ANKRD26: variants seen among roughly 807,000 people sequenced by gnomAD.
ANKRD26 encodes ankyrin repeat domain 26.
A neutral mutation model predicts 208.7 loss-of-function variants in ANKRD26; 141 were observed. The ratio of observed to expected loss-of-function variants is 0.68; its 90% CI spans 0.59 to 0.78. The LOEUF is 0.78. Among genes scored for constraint, ANKRD26 ranks in the 30% least tolerant of loss-of-function variants. The pLI, the probability that ANKRD26 is intolerant of heterozygous loss-of-function variation, is 0.00. For missense variants in ANKRD26, 1,889 were observed against 1,938.7 expected, an observed-to-expected ratio of 0.97 and a Z score of 0.48; for synonymous variants, 636 against 660.4, an observed-to-expected ratio of 0.96 and a Z score of 0.57.
Position 27,033,257 on chromosome 10 carries a change from A to G in ANKRD26, c.3775T>C (p.Leu1259=). ...RINLEDETQD[L]KKKLGQIRNQ... ...CTGATTTGACCTAATTTCTTCTTTA[A>G]ATCCTGTGTCTCATCTTCTAAATTA... Residue 1259 remains leucine (L), a synonymous_variant, in exon 25 of 34, where the codon TTA becomes CTA. Transcript: ENST00000376087. 1.9e-6 allele frequency: 3 copies of G among 1,612,116 alleles called. No individual in the cohort carries two copies. The highest frequency in any genetic ancestry group is 2.5e-6 in the Non-Finnish European group (3 of 1,178,622).
chr10:27,042,129 T>A (rs1427627554), intron 20 of ANKRD26, among the ~76,000 whole-genome samples: 2 of 150,370 alleles, frequency 1.3e-5, no homozygotes, highest in Non-Finnish European at 3.0e-5. Context: ...CACAACAGAG[T>A]CGAGAAGCAG....
At chr10:27,028,971 A>T in intron 26 of ANKRD26, 26 bp from the exon 27 acceptor site, 1 of 1,531,770 alleles carries the variant, frequency 6.5e-7, no homozygotes, top group Admixed American at 1.7e-5. Context: ...TAAAATAATT[A>T]TTCTCACAGA....
intron 9 of ANKRD26, among the ~76,000 whole-genome samples, chr10:27,072,718 T>C (rs1420098253): frequency 1.3e-5 from 2 of 152,094 alleles, no homozygotes; most frequent in Non-Finnish European, 2.9e-5. Context: ...ACCAAGGAAG[T>C]AGGAAACTTC....
chr10:27,038,355 A>G (rs1013713390), intron 21 of ANKRD26, among the ~76,000 whole-genome samples: 13 of 152,316 alleles, frequency 8.5e-5, no homozygotes, highest in Admixed American at 2.0e-4. Flanking sequence ...GCAAGTTGAA[A>G]ATTATCTTTT....
At chr10:27,030,198 T>G (rs1379613527) in intron 25 of ANKRD26, among the ~76,000 whole-genome samples, 1 of 152,192 alleles carries the variant, frequency 6.6e-6, no homozygotes, top group Non-Finnish European at 1.5e-5. Context: ...GAATCATTCT[T>G]CACACCACTG....
intron 3 of ANKRD26, among the ~76,000 whole-genome samples, chr10:26,983,885 G>A (rs560348255): frequency 6.6e-6 from 1 of 152,220 alleles, no homozygotes; most frequent in South Asian, 2.1e-4. Flanking sequence ...ATACATTTTG[G>A]TGTTATAGCT....
chr10:27,100,403 G>C lies in ANKRD26; in HGVS notation c.-77C>G, dbSNP rs546768605. 2.0e-4 allele frequency: 312 copies of C among 1,580,350 alleles called. 1 individual carries two copies. The African/African-American group carries it at 4.1e-3, about 21-fold the overall frequency. ...CGGCCTCCGGAGCCCAACATAACAA[G>C]TCAGCCCCGGCTGGCCGCAGCCTCC... On this transcript the variant is annotated 5_prime_UTR_variant, in exon 1 of 34. Transcript: ENST00000376087.
At position 27,043,417 on chromosome 10, in the gene ANKRD26, TG is replaced by T; in HGVS notation, c.2161+8del. ...ATAAAAAGGCCTTAAATTTATGCAA[TG>T]GTCCTACCTTTACACTCCATTCCAA... On this transcript the variant is annotated splice_region_variant and intron_variant, in intron 20 of 33. Transcript: ENST00000376087. 6.2e-7 allele frequency: 1 copy of T among 1,613,750 alleles called. No homozygotes were observed. Among genetic ancestry groups the T allele is most frequent in the South Asian group, 1.1e-5 (1 of 91,050 alleles).
In ANKRD26 at chr10:27,077,441, G is replaced by A. The variant is rs1163599010; in HGVS notation, c.974C>T (p.Thr325Ile). The A allele has an allele frequency of 1.2e-6, 2 of 1,613,918 alleles. No individual in the cohort carries two copies. Among genetic ancestry groups the A allele is most frequent in the Non-Finnish European group, 1.7e-6 (2 of 1,179,852 alleles). Reference protein sequence around the residue: ...QDEVVVESLPTTSIKVQCFSH... With the variant: ...QDEVVVESLPITSIKVQCFSH... ...AAAGCACTGGACTTTGATTGATGTT[G>A]TAGGAAGGCTTTCAACCACAACTTC... Residue 325 changes from threonine (T) to isoleucine (I), a missense_variant, in exon 9 of 34, where the codon ACA becomes ATA. Around this residue, in one of 3 missense-constraint regions of ANKRD26, gnomAD observed 1,272 missense variants for 1,273.8 expected, o/e 1.00. Coordinates refer to ENST00000376087, the MANE Select transcript of ANKRD26 (RefSeq NM_014915.3).
At chr10:27,080,599 T>C in intron 6 of ANKRD26, 1 of 977,324 alleles carries the variant, frequency 1.0e-6, no homozygotes, top group Non-Finnish European at 1.2e-6. Context: ...TGTACCTATA[T>C]TTCCCTAAGT....
chr10:27,006,038 A>T (rs187112998), intron 33 of ANKRD26, among the ~76,000 whole-genome samples: 66 of 152,338 alleles, frequency 4.3e-4, no homozygotes, highest in Non-Finnish European at 7.5e-4. Flanking sequence ...CATATGCTAT[A>T]ATCTGAAAAA....
At chr10:27,051,896 C>T (rs78200084) in intron 16 of ANKRD26, 26,634 of 985,330 alleles carry the variant, frequency 0.027, 361 homozygotes, top group Non-Finnish European at 0.029. Context: ...CACAGCTCTG[C>T]TTTAACTCAT....
At chr10:27,012,247 G>A (rs968559810) in intron 32 of ANKRD26, among the ~76,000 whole-genome samples, 2 of 152,030 alleles carry the variant, frequency 1.3e-5, no homozygotes, top group Admixed American at 6.6e-5. Context: ...GTATCTCAAC[G>A]TATACCTTTT....
At chr10:27,038,113 T>G (rs2054103975) in intron 21 of ANKRD26, 59 bp from the exon 22 acceptor site, 12 of 1,389,346 alleles carry the variant, frequency 8.6e-6, no homozygotes, top group Non-Finnish European at 1.2e-5. Context: ...AAGTTCATTG[T>G]GTGATATGCC....
chr10:26,984,526 T>G (rs1436230806), intron 3 of ANKRD26, among the ~76,000 whole-genome samples: 1 of 152,318 alleles, frequency 6.6e-6, no homozygotes, highest in African/African-American at 2.4e-5. Flanking sequence ...ACCAAAGACT[T>G]TCTCTTTTGT....
the ANKRD26 span, among the ~76,000 whole-genome samples, chr10:26,958,916 A>G: frequency 6.6e-6 from 1 of 152,178 alleles, no homozygotes; most frequent in African/African-American, 2.4e-5. Flanking sequence ...AAGTATTGAC[A>G]CTTTCACCAG....
At chr10:27,093,971 C>A (rs1244819199) in intron 1 of ANKRD26, among the ~76,000 whole-genome samples, 172 bp from the exon 2 acceptor site, 1 of 152,180 alleles carries the variant, frequency 6.6e-6, no homozygotes, top group Non-Finnish European at 1.5e-5. Context: ...TTCCCATGAT[C>A]CCTACGTGTG....
At chr10:27,040,845 C>A (rs927632679) in intron 20 of ANKRD26, among the ~76,000 whole-genome samples, 1 of 151,882 alleles carries the variant, frequency 6.6e-6, no homozygotes, top group Non-Finnish European at 1.5e-5. Flanking sequence ...GTCTGGCCAA[C>A]ATAGTGAAAC....
chr10:27,048,471 A>G (rs1235673367), intron 17 of ANKRD26, among the ~76,000 whole-genome samples: 1 of 152,208 alleles, frequency 6.6e-6, no homozygotes, highest in Non-Finnish European at 1.5e-5. Flanking sequence ...TGAAGCTGTT[A>G]GGTTAAAGAT....
Sources: gnomAD v4.1 joint callset for allele counts (sites outside exome capture counted in the v4.1 genomes callset) on GRCh38, gnomAD v4.1.1 for gene constraint, gnomAD v4.1.1 regional missense constraint, MANE v1.5 for transcripts, NCBI Gene and HGNC (gene_info 2026-07-23, HGNC 2026-07-21) for gene names.